TRIO: variants seen among roughly 807,000 people sequenced by gnomAD.
TRIO encodes the protein trio Rho guanine nucleotide exchange factor.
A neutral mutation model predicts 351.9 loss-of-function variants in TRIO; 58 were observed. The ratio of observed to expected loss-of-function variants is 0.16; its 90% confidence interval spans 0.13 to 0.21. TRIO has a LOEUF of 0.21. Ranked by LOEUF, TRIO falls within the 10% of genes least tolerant of loss-of-function variation. The probability of loss-of-function intolerance (pLI) is 1.00; values close to 1 mark genes in which losing one functional copy is unlikely to be tolerated. For missense variants in TRIO, 3,201 were observed against 4,027.8 expected (o/e 0.79, Z 5.56); for synonymous variants, 1,758 against 1,595.7 (o/e 1.10, Z -2.42).
In TRIO at chr5:14,368,860, C is replaced by T. The variant is rs375541439; in HGVS notation, c.3027C>T (p.Leu1009=). The T allele has an allele frequency of 8.1e-6, 13 of 1,614,038 alleles. No individual in the cohort carries two copies. In the African/African-American group the frequency reaches 1.1e-4, roughly 13 times the overall value. ...LMLKMEDRLK[L]VNASVAFYKT... ...TCAAGATGGAAGATCGCCTCAAGCT[C>T]GTCAACGCCTCTGTCGCTTTCTACA... Residue 1009 remains leucine (L), a synonymous_variant, in exon 17 of 57, where the codon CTC becomes CTT. Transcript: ENST00000344204.
chr5:14,508,302 G>C lies in TRIO; in HGVS notation c.9174G>C (p.Thr3058=). 4 of 1,613,906 alleles carry C rather than the reference G, an allele frequency of 2.5e-6. No individual in the cohort carries two copies. The highest frequency in any genetic ancestry group is 3.4e-6 in the Non-Finnish European group (4 of 1,180,052). Reference sequence around the variant, plus strand: ...TGCAGGCCGGCAACGGCAGAAGCACGGGCGTCCTCGACACGTCCAGACTGA... The same window carrying C: ...TGCAGGCCGGCAACGGCAGAAGCACCGGCGTCCTCGACACGTCCAGACTGA... The part of the protein sequence containing the change: ...QWLQAGNGRS[T]GVLDTSRLTS... Residue 3058 remains threonine (T), a synonymous_variant, in exon 57 of 57, where the codon ACG becomes ACC. Transcript: ENST00000344204.
intron 23 of TRIO, chr5:14,388,062 T>C (rs779905887): frequency 7.3e-6 from 4 of 547,102 alleles, no homozygotes; most frequent in African/African-American, 1.9e-5. Context: ...TCCCTGTGCC[T>C]GTGTTTCATT....
intron 10 of TRIO, among the ~76,000 whole-genome samples, chr5:14,334,581 T>C (rs1217596876): frequency 6.6e-6 from 1 of 152,178 alleles, no homozygotes; most frequent in Non-Finnish European, 1.5e-5. Flanking sequence ...TCCAAAACTG[T>C]AGTGGTGATC....
At chr5:14,470,318 A>G (rs1036632974) in intron 37 of TRIO, among the ~76,000 whole-genome samples, 2 of 152,106 alleles carry the variant, frequency 1.3e-5, no homozygotes, top group African/African-American at 4.8e-5. Flanking sequence ...ATTTTAGTTT[A>G]TTAATACCAA....
At position 14,286,234 on chromosome 5, in the gene TRIO, C is replaced by T. The variant is rs1426525138; in HGVS notation, c.348-637C>T. On this transcript the variant is annotated intron_variant, in intron 3 of 56. Transcript: ENST00000344204. This position sits in a 1 kb window ranked among gnomAD's most constrained non-coding sequence, Gnocchi z 4.4. ...TACAGTTGTGGAACTAGATTAAAAC[C>T]ACAGAGCCTGCCAGAAGGGTGCCAA... Among the ~76,000 whole-genome samples the T allele has an allele frequency of 2.0e-5, 3 of 152,108 alleles. No homozygotes were observed. Among genetic ancestry groups the T allele is most frequent in the Non-Finnish European group, 4.4e-5 (3 of 68,028 alleles).
At chr5:14,166,829 T>G (rs1033104525) in intron 1 of TRIO, among the ~76,000 whole-genome samples, 1 of 152,138 alleles carries the variant, frequency 6.6e-6, no homozygotes, top group Non-Finnish European at 1.5e-5. Flanking sequence ...AGACGGTAGA[T>G]TCTTACGGAT....
intron 35 of TRIO, 49 bp from the exon 36 acceptor site, chr5:14,462,706 T>C (rs1263689646): frequency 6.2e-7 from 1 of 1,607,840 alleles, no homozygotes; most frequent in Admixed American, 1.7e-5. Context: ...TTGGTCCACG[T>C]CTGTGAACTG....
In TRIO at chr5:14,474,035, C is replaced by T; in HGVS notation, c.6021C>T (p.Asp2007=). ...TGAAAGAAGATGGTGTTCCTGATGACATGAAAGGAAAAGACAAAATTGTGT... is the reference window on the plus strand; with the variant it reads ...TGAAAGAAGATGGTGTTCCTGATGATATGAAAGGAAAAGACAAAATTGTGT... The part of the protein sequence containing the change: ...ALMKEDGVPD[D]MKGKDKIVFG... Residue 2007 remains aspartate, a synonymous_variant, in exon 40 of 57, where the codon GAC becomes GAT. Coordinates refer to ENST00000344204, the MANE Select transcript of TRIO (RefSeq NM_007118.4). The T allele has an allele frequency of 1.9e-6, 3 of 1,613,376 alleles. No homozygotes were observed. Among genetic ancestry groups the T allele is most frequent in the Non-Finnish European group, 2.5e-6 (3 of 1,179,464 alleles).
At chr5:14,228,046 G>A (rs1793161270) in intron 1 of TRIO, among the ~76,000 whole-genome samples, 1 of 152,122 alleles carries the variant, frequency 6.6e-6, no homozygotes, top group Non-Finnish European at 1.5e-5. Flanking sequence ...GGGTGTGGGG[G>A]CCTGTGTGGA....
At chr5:14,342,321 T>G (rs1218141839) in intron 11 of TRIO, among the ~76,000 whole-genome samples, 4 of 152,202 alleles carry the variant, frequency 2.6e-5, no homozygotes, top group Admixed American at 2.0e-4. Flanking sequence ...CCCAGATTTC[T>G]TTTCCTTCTT....
chr5:14,314,107 C>T (rs1374492207), intron 8 of TRIO, among the ~76,000 whole-genome samples: 2 of 152,112 alleles, frequency 1.3e-5, no homozygotes, highest in Non-Finnish European at 2.9e-5. Context: ...GGGTTAACAC[C>T]ATGTGAAATG....
intron 34 of TRIO, among the ~76,000 whole-genome samples, chr5:14,440,567 C>G (rs942229541): frequency 6.6e-6 from 1 of 152,218 alleles, no homozygotes; most frequent in Non-Finnish European, 1.5e-5. Flanking sequence ...CCTTATAGTT[C>G]GCATGCAAGA....
intron 1 of TRIO, among the ~76,000 whole-genome samples, chr5:14,236,125 C>T (rs944040092): frequency 1.3e-5 from 2 of 152,274 alleles, no homozygotes; most frequent in African/African-American, 2.4e-5. Flanking sequence ...AAAGTCCAAA[C>T]GACCTGGAAT....
chr5:14,396,977 C>T lies in TRIO; in HGVS notation c.4312-66C>T. 2.9e-6 allele frequency: 4 copies of T among 1,391,614 alleles called. No homozygotes were observed. In the South Asian group the frequency reaches 5.2e-5, roughly 18 times the overall value. The allele number at this position is 1,391,614 out of a possible 1,614,324, so 86.2% of individuals were successfully genotyped here. A position where few individuals can be genotyped will look rare whatever the true frequency, so the allele number is the denominator to read the frequency against. On this transcript the variant is annotated intron_variant, in intron 28 of 56. Transcript: ENST00000344204. ...AGCCATGGGCTTTCATAAACTGTTT[C>T]TGCCAAGGTCTTATTGGCAGAGCAT...
intron 1 of TRIO, among the ~76,000 whole-genome samples, chr5:14,202,294 ATTTTTTTTTTTTTTTTTT>A (rs60827656): frequency 1.5e-3 from 51 of 33,562 alleles, no homozygotes; most frequent in Middle Eastern, 0.024. Flanking sequence ...TATTTTTGTG[ATTTTTTTTTTTTTTTTTT>A]TTTTTTTTTT....
chr5:14,328,331 C>G (rs901519265), intron 9 of TRIO, among the ~76,000 whole-genome samples: 1 of 152,188 alleles, frequency 6.6e-6, no homozygotes, highest in Non-Finnish European at 1.5e-5. Flanking sequence ...CTAGTTAAAA[C>G]AATGCACTGA....
chr5:14,193,170 A>G (rs762395131), intron 1 of TRIO, among the ~76,000 whole-genome samples: 2 of 152,254 alleles, frequency 1.3e-5, no homozygotes, highest in Non-Finnish European at 2.9e-5. Flanking sequence ...TGATGCAGTT[A>G]TTAAAATATG....
chr5:14,159,648 A>T (rs1016574656), intron 1 of TRIO, among the ~76,000 whole-genome samples: 9 of 150,924 alleles, frequency 6.0e-5, no homozygotes, highest in African/African-American at 1.9e-4. Context: ...GGCTCACTGC[A>T]ACCTCCATCT....
intron 1 of TRIO, among the ~76,000 whole-genome samples, chr5:14,171,223 C>T (rs368887645): frequency 2.0e-5 from 3 of 152,202 alleles, no homozygotes; most frequent in East Asian, 1.9e-4. Flanking sequence ...GAACTGTACA[C>T]GCAATGAGTT....
Sources: gnomAD v4.1 joint callset for allele counts (sites outside exome capture counted in the v4.1 genomes callset) on GRCh38, gnomAD v4.1.1 for gene constraint, Gnocchi (gnomAD v3.1) non-coding constraint, MANE v1.5 for transcripts, NCBI Gene and HGNC (gene_info 2026-07-23, HGNC 2026-07-21) for gene names.